The following FGF14 variants were observed in gnomAD, a reference collection of about 807,000 sequenced individuals.
The protein encoded by FGF14 is fibroblast growth factor 14.
A neutral mutation model predicts 25.5 loss-of-function variants in FGF14; 5 were observed. The ratio of observed to expected loss-of-function variants is 0.20; its 90% CI spans 0.10 to 0.41. FGF14 has a LOEUF of 0.41. Among genes scored for constraint, FGF14 ranks in the 10% least tolerant of loss-of-function variants. FGF14 has a pLI of 1.00. For synonymous variants in FGF14, 138 were observed against 118.3 expected (o/e 1.17, Z -1.08); for missense variants, 222 against 320.1 (o/e 0.69, Z 2.34).
chr13:102,261,496 T>C (rs969461359), intron 1 of FGF14, among the ~76,000 whole-genome samples: 3 of 152,240 alleles, frequency 2.0e-5, no homozygotes, highest in Non-Finnish European at 2.9e-5. Flanking sequence ...TATGTAATTA[T>C]AGCTCATCAG....
At chr13:101,753,294 GACAGACAC>G (rs1566857247) in intron 3 of FGF14, among the ~76,000 whole-genome samples, 6 of 98,112 alleles carry the variant, frequency 6.1e-5, no homozygotes, top group African/African-American at 1.5e-4. Context: ...GACACACACA[GACAGACAC>G]ACACACACAC....
chr13:102,304,158 T>C (rs550749796), intron 1 of FGF14, among the ~76,000 whole-genome samples: 1 of 152,106 alleles, frequency 6.6e-6, no homozygotes, highest in Non-Finnish European at 1.5e-5. Context: ...TTTTCTCTAA[T>C]GATAAATAGC....
intron 1 of FGF14, among the ~76,000 whole-genome samples, chr13:102,284,765 C>T (rs1377648598): frequency 1.3e-5 from 2 of 152,094 alleles, no homozygotes; most frequent in Non-Finnish European, 1.5e-5. Context: ...TTGATGCAGA[C>T]AATCCTACTT....
chr13:102,132,089 TCA>T (rs1352741553), intron 1 of FGF14, among the ~76,000 whole-genome samples: 1 of 152,178 alleles, frequency 6.6e-6, no homozygotes, highest in Non-Finnish European at 1.5e-5. Flanking sequence ...AGAGATATTC[TCA>T]CAACATCCAT....
chr13:101,803,213 C>T (rs1253381271), intron 3 of FGF14, among the ~76,000 whole-genome samples: 2 of 151,004 alleles, frequency 1.3e-5, no homozygotes, highest in Non-Finnish European at 2.9e-5. Context: ...ATTGCAGCCT[C>T]AACCTCCCAG....
At chr13:102,318,335 C>A (rs2056114131) in intron 1 of FGF14, among the ~76,000 whole-genome samples, 3 of 152,168 alleles carry the variant, frequency 2.0e-5, no homozygotes, top group Admixed American at 6.5e-5. Flanking sequence ...ACCCACCCTA[C>A]CCAAACTGGG....
intron 3 of FGF14, among the ~76,000 whole-genome samples, chr13:101,844,255 G>C (rs2043335026): frequency 6.6e-6 from 1 of 151,976 alleles, no homozygotes; most frequent in Admixed American, 6.6e-5. Flanking sequence ...TGGAAAAGTA[G>C]TATAATCAGT....
At chr13:101,801,436 A>G (rs938761175) in intron 3 of FGF14, among the ~76,000 whole-genome samples, 4 of 151,790 alleles carry the variant, frequency 2.6e-5, no homozygotes, top group Admixed American at 2.6e-4. Flanking sequence ...CTGCTGTTGT[A>G]ATGTGAAAGC....
chr13:102,358,895 A>G (rs2057489821), intron 1 of FGF14, among the ~76,000 whole-genome samples: 1 of 152,220 alleles, frequency 6.6e-6, no homozygotes, highest in Non-Finnish European at 1.5e-5. Context: ...CACTATTCAT[A>G]ATAGTGAATA....
intron 1 of FGF14, among the ~76,000 whole-genome samples, chr13:102,074,381 C>T (rs757913239): frequency 5.3e-5 from 8 of 152,148 alleles, no homozygotes; most frequent in Admixed American, 2.6e-4. Flanking sequence ...TTCTTTCACC[C>T]AACTCCCTAC....
At chr13:102,250,845 G>T (rs1235773415) in intron 1 of FGF14, among the ~76,000 whole-genome samples, 1 of 152,098 alleles carries the variant, frequency 6.6e-6, no homozygotes, top group African/African-American at 2.4e-5. Flanking sequence ...CATACAAAAT[G>T]ACTTACTCCA....
At chr13:102,228,437 T>C (rs944185017) in intron 1 of FGF14, among the ~76,000 whole-genome samples, 3 of 152,196 alleles carry the variant, frequency 2.0e-5, no homozygotes, top group Admixed American at 1.3e-4. Flanking sequence ...ATTAATTGAA[T>C]AGCATATGAT....
At chr13:102,157,164 G>C (rs1426369108) in intron 1 of FGF14, among the ~76,000 whole-genome samples, 2 of 152,056 alleles carry the variant, frequency 1.3e-5, no homozygotes, top group Admixed American at 6.6e-5. Flanking sequence ...CTACTTTAAA[G>C]TTCATATGGA....
intron 1 of FGF14, among the ~76,000 whole-genome samples, chr13:102,138,891 G>A (rs1351670270): frequency 6.6e-6 from 1 of 152,190 alleles, no homozygotes; most frequent in African/African-American, 2.4e-5. Flanking sequence ...TAGTGTTTCA[G>A]TTCTTACTTT....
chr13:102,135,107 C>T (rs1265429880), intron 1 of FGF14, among the ~76,000 whole-genome samples: 3 of 151,560 alleles, frequency 2.0e-5, no homozygotes, highest in Non-Finnish European at 4.4e-5. Flanking sequence ...ACTTGGAAGG[C>T]GGAGGCAAGA....
At chr13:102,089,696 A>C (rs1222801473) in intron 1 of FGF14, among the ~76,000 whole-genome samples, 1 of 152,188 alleles carries the variant, frequency 6.6e-6, no homozygotes, top group Non-Finnish European at 1.5e-5. Flanking sequence ...CATGATATTG[A>C]CTTTTTGAGC....
intron 1 of FGF14, among the ~76,000 whole-genome samples, chr13:102,381,226 T>C (rs2058176232): frequency 6.6e-6 from 1 of 152,212 alleles, no homozygotes; most frequent in Admixed American, 6.5e-5. Context: ...CAACCATCTG[T>C]ACATAAAAAT....
At chr13:102,315,853 C>A (rs1405020169) in intron 1 of FGF14, among the ~76,000 whole-genome samples, 3 of 152,118 alleles carry the variant, frequency 2.0e-5, no homozygotes, top group Non-Finnish European at 2.9e-5. Flanking sequence ...ACCTTTCTAG[C>A]AAATTACTCC....
intron 1 of FGF14, among the ~76,000 whole-genome samples, chr13:101,885,103 T>C (rs2045924559): frequency 6.6e-6 from 1 of 152,220 alleles, no homozygotes; most frequent in African/African-American, 2.4e-5. Context: ...AGTTTGAGAA[T>C]GTTTTGATAC....
Sources: gnomAD v4.1 joint callset for allele counts (sites outside exome capture counted in the v4.1 genomes callset) on GRCh38, gnomAD v4.1.1 for gene constraint, MANE v1.5 for transcripts, NCBI Gene and HGNC (gene_info 2026-07-23, HGNC 2026-07-21) for gene names.